The following PARN variants were observed in gnomAD, a reference collection of about 807,000 sequenced individuals.
PARN encodes the protein poly(A)-specific ribonuclease PARN.
PARN carries 71 observed loss-of-function variants against 102.8 expected under a neutral mutation model. The ratio of observed to expected loss-of-function variants is 0.69; its 90% confidence interval spans 0.57 to 0.84. The LOEUF (loss-of-function observed/expected upper bound fraction) is 0.84, where lower values mean the gene tolerates loss of function less well. Among genes scored for constraint, PARN ranks in the 40% least tolerant of loss-of-function variants. PARN has a pLI of 0.00. For missense variants in PARN, 782 were observed against 760.9 expected (o/e 1.03, Z -0.33); for synonymous variants, 261 against 252.9 (o/e 1.03, Z -0.30).
At chr16:14,566,848 G>A (rs1221342704) in intron 18 of PARN, among the ~76,000 whole-genome samples, 1 of 152,238 alleles carries the variant, frequency 6.6e-6, no homozygotes, top group Non-Finnish European at 1.5e-5. Context: ...AGGTTGCTGG[G>A]TGGGTGGCCT....
chr16:14,458,913 G>A lies in PARN; in HGVS notation c.1671-11832C>T, dbSNP rs142149882. The stretch of plus-strand genomic sequence containing the variant: ...TGAGGCGAAATGAGCTGACGAAATG[G>A]GGTAGCCATCCCCCACATACCGAGG... On this transcript the variant is annotated intron_variant, in intron 22 of 23. Transcript: ENST00000437198. 1.7e-3 allele frequency among the ~76,000 whole-genome samples: 253 copies of A among 152,256 alleles called. 2 individuals are homozygous for A. The highest frequency in any genetic ancestry group is 5.9e-3 in the African/African-American group (244 of 41,540).
At chr16:14,629,299 A>G (rs1333117600) in intron 2 of PARN, among the ~76,000 whole-genome samples, 1 of 152,238 alleles carries the variant, frequency 6.6e-6, no homozygotes, top group African/African-American at 2.4e-5. Flanking sequence ...TCAAGAAAAA[A>G]AACAGTCTGA....
rs528976720 is a variant in PARN at position 14,551,537 on chromosome 16, C to A, written c.1480+484G>T. On this transcript the variant is annotated intron_variant, in intron 21 of 23. Coordinates refer to ENST00000437198, the MANE Select transcript of PARN (RefSeq NM_002582.4). ...TGAGCCGACATTGCGCCACTGCACTCCAGCCTAGGCGACAGAGCGAGACTA... is the reference window on the plus strand; with the variant it reads ...TGAGCCGACATTGCGCCACTGCACTACAGCCTAGGCGACAGAGCGAGACTA... 1.5e-4 allele frequency among the ~76,000 whole-genome samples: 23 copies of A among 152,150 alleles called. No homozygotes were observed. In the South Asian group the frequency reaches 2.3e-3, roughly 15 times the overall value.
At chr16:14,454,072 C>A (rs1596444633) in intron 22 of PARN, among the ~76,000 whole-genome samples, 1 of 152,084 alleles carries the variant, frequency 6.6e-6, no homozygotes, top group African/African-American at 2.4e-5. Flanking sequence ...ACCTCATCCC[C>A]CTTTTCAAAA....
At chr16:14,486,059 A>G (rs1963668395) in intron 21 of PARN, among the ~76,000 whole-genome samples, 1 of 152,198 alleles carries the variant, frequency 6.6e-6, no homozygotes, top group African/African-American at 2.4e-5. Flanking sequence ...TGACATCTGC[A>G]ATAATCCCTC....
chr16:14,620,014 G>C (rs1375253998), intron 5 of PARN, among the ~76,000 whole-genome samples: 1 of 145,932 alleles, frequency 6.9e-6, no homozygotes, highest in Non-Finnish European at 1.5e-5. Flanking sequence ...AGGTTGCCAT[G>C]AGCCGAGATC....
intron 21 of PARN, among the ~76,000 whole-genome samples, chr16:14,551,818 T>A (rs112899176): frequency 1.2e-4 from 19 of 152,330 alleles, no homozygotes; most frequent in Admixed American, 4.6e-4. Flanking sequence ...GCATACCTAA[T>A]GAATCAAAAG....
rs769742368 is a variant in PARN, at chr16:14,584,338, T to C, written c.1081+9A>G. Reference sequence around the variant, plus strand: ...AGAGTTTGGAGGGTTTCCGGTTTAATATTCTTACCAACTTTAGGAGGGTTG... The same window carrying C: ...AGAGTTTGGAGGGTTTCCGGTTTAACATTCTTACCAACTTTAGGAGGGTTG... On this transcript the variant is annotated intron_variant, in intron 16 of 23. Transcript: ENST00000437198. 4 of 1,589,676 alleles carry C rather than the reference T, an allele frequency of 2.5e-6. No individual in the cohort carries two copies. The South Asian group carries it at 3.3e-5, about 13-fold the overall frequency.
intron 23 of PARN, among the ~76,000 whole-genome samples, chr16:14,437,221 C>G (rs1391485570): frequency 6.6e-6 from 1 of 152,154 alleles, no homozygotes; most frequent in Non-Finnish European, 1.5e-5. Flanking sequence ...ACCAGATGTA[C>G]AGAGCTAGCA....
In PARN at chr16:14,610,817, C is replaced by T. The variant is rs200322751; in HGVS notation, c.389-8G>A. The T allele has an allele frequency of 2.8e-4, 443 of 1,592,382 alleles. No individual in the cohort carries two copies. Among genetic ancestry groups the T allele is most frequent in the Middle Eastern group, 1.0e-3 (6 of 6,020 alleles). On this transcript the variant is annotated splice_polypyrimidine_tract_variant and splice_region_variant and intron_variant, in intron 6 of 23. Coordinates refer to ENST00000437198, the MANE Select transcript of PARN (RefSeq NM_002582.4). Reference sequence around the variant, plus strand: ...GATTTAAATATGGAATTCCTAAACACGATTTTAAAAAGAATGCATTAGCAG... The same window carrying T: ...GATTTAAATATGGAATTCCTAAACATGATTTTAAAAAGAATGCATTAGCAG...
At chr16:14,532,895 C>T (rs1381388324) in intron 21 of PARN, among the ~76,000 whole-genome samples, 2 of 151,472 alleles carry the variant, frequency 1.3e-5, no homozygotes, top group African/African-American at 4.8e-5. Context: ...GGCAGCTGGC[C>T]GGGAGAGGGG....
At chr16:14,506,196 T>G (rs1964888113) in intron 21 of PARN, among the ~76,000 whole-genome samples, 1 of 152,174 alleles carries the variant, frequency 6.6e-6, no homozygotes, top group South Asian at 2.1e-4. Flanking sequence ...GTAAAACAAC[T>G]GATCTGAACT....
chr16:14,466,711 T>C (rs1414998055), intron 22 of PARN, among the ~76,000 whole-genome samples: 1 of 152,240 alleles, frequency 6.6e-6, no homozygotes, highest in Non-Finnish European at 1.5e-5. Flanking sequence ...GTGGTATTAC[T>C]ACATTCCACA....
intron 23 of PARN, among the ~76,000 whole-genome samples, chr16:14,439,377 A>C (rs1235736307): frequency 1.0e-3 from 17 of 17,070 alleles, no homozygotes; most frequent in Non-Finnish European, 1.6e-3. Flanking sequence ...CTGTCGCACA[A>C]AAAAAAAAAA....
At chr16:14,574,328 A>G (rs1056346927) in intron 18 of PARN, among the ~76,000 whole-genome samples, 3 of 152,216 alleles carry the variant, frequency 2.0e-5, no homozygotes, top group African/African-American at 4.8e-5. Context: ...AAAGCATTCA[A>G]GAGGTGACCT....
chr16:14,508,446 T>C (rs1965009231), intron 21 of PARN, among the ~76,000 whole-genome samples: 1 of 152,134 alleles, frequency 6.6e-6, no homozygotes, highest in African/African-American at 2.4e-5. Context: ...GTAGCATTCC[T>C]GGACTCAGAA....
In PARN at chr16:14,593,308, A is replaced by T; in HGVS notation, c.911T>A (p.Leu304Gln). 6.4e-7 allele frequency: 1 copy of T among 1,568,926 alleles called. No individual in the cohort carries two copies. The highest frequency in any genetic ancestry group is 8.8e-7 in the Non-Finnish European group (1 of 1,139,048). The change falls in exon 13 of 24, where the codon CTG becomes CAG. Residue 304 changes from leucine (L) to glutamine (Q), a missense_variant. By Grantham distance (113) the Leu-to-Gln change is moderately radical (BLOSUM62 -2). Coordinates refer to ENST00000437198, the MANE Select transcript of PARN (RefSeq NM_002582.4). ...MHTVHQFYCP[L>Q]PADLSEFKEM... is the part of the protein sequence containing the mutation. ...GACCAACAGGTCACTTACCGCAGGC[A>T]GAGGGCAGTAGAACTGATGAACTGT...
At chr16:14,614,582 T>C (rs968772493) in intron 6 of PARN, among the ~76,000 whole-genome samples, 1 of 151,920 alleles carries the variant, frequency 6.6e-6, no homozygotes, top group Non-Finnish European at 1.5e-5. Flanking sequence ...CCAGGCACGG[T>C]GATCACACCT....
chr16:14,489,409 C>T (rs1029120748), intron 21 of PARN, among the ~76,000 whole-genome samples: 2 of 140,074 alleles, frequency 1.4e-5, no homozygotes, highest in Non-Finnish European at 3.0e-5. Flanking sequence ...CGTGCCACTG[C>T]ACTCCAGCCT....
Sources: gnomAD v4.1 joint callset for allele counts (sites outside exome capture counted in the v4.1 genomes callset) on GRCh38, gnomAD v4.1.1 for gene constraint, MANE v1.5 for transcripts, NCBI Gene and HGNC (gene_info 2026-07-23, HGNC 2026-07-21) for gene names.